CAND1: variants seen among roughly 807,000 people sequenced by gnomAD.
CAND1 encodes the protein cullin associated and neddylation dissociated 1, also known as cullin-associated NEDD8-dissociated protein 1.
A neutral mutation model predicts 108.5 loss-of-function variants in CAND1; 7 were observed. That is an observed-to-expected ratio of 0.06 (90% CI 0.04 to 0.12). CAND1 has a LOEUF of 0.12. CAND1 is among the 10% of genes least tolerant of loss of function. CAND1 has a pLI of 1.00. For missense variants in CAND1, 941 were observed against 1,448.7 expected, an observed-to-expected ratio of 0.65 and a Z score of 5.69; for synonymous variants, 534 against 512.0, an observed-to-expected ratio of 1.04 and a Z score of -0.58.
At chr12:67,290,545 T>C (rs2044713213) in intron 2 of CAND1, among the ~76,000 whole-genome samples, 1 of 152,124 alleles carries the variant, frequency 6.6e-6, no homozygotes, top group Non-Finnish European at 1.5e-5. Context: ...AATCTGACTG[T>C]TAATGTTCAG....
In CAND1 at chr12:67,305,553, G is replaced by A; in HGVS notation, c.1885G>A (p.Val629Ile). The part of the protein sequence containing the change: ...LKNEITRLTT[V>I]KALTLIAGSP... ...GAATGAAATTACCAGGTTAACTACA[G>A]TAAAGGCATTGACACTGATTGCTGG... Residue 629 changes from valine to isoleucine, a missense_variant, in exon 10 of 15, where the codon GTA becomes ATA. Val to Ile is a conservative substitution (Grantham distance 29, BLOSUM62 3). Transcript: ENST00000545606. The surrounding 1 kb of genome is among the most constrained non-coding windows in gnomAD (Gnocchi z 4.4). The A allele has an allele frequency of 6.2e-7, 1 of 1,614,116 alleles. No homozygotes were observed. The highest frequency in any genetic ancestry group is 2.2e-5 in the East Asian group (1 of 44,884).
chr12:67,296,646 G>A (rs1470305379), intron 4 of CAND1, among the ~76,000 whole-genome samples: 2 of 152,050 alleles, frequency 1.3e-5, no homozygotes, highest in African/African-American at 2.4e-5. Context: ...TGTTGGCCAG[G>A]GTGGTCTCGA....
chr12:67,302,780 T>G (rs1412704594), intron 8 of CAND1, among the ~76,000 whole-genome samples, 165 bp downstream of exon 8: 5 of 152,260 alleles, frequency 3.3e-5, no homozygotes, highest in Admixed American at 6.5e-5. Context: ...TTGTAAACTA[T>G]TCTAATTGAA....
At chr12:67,283,556 C>T (rs921259843) in intron 2 of CAND1, among the ~76,000 whole-genome samples, 1 of 148,262 alleles carries the variant, frequency 6.7e-6, no homozygotes, top group Non-Finnish European at 1.5e-5. Flanking sequence ...GCATGCCAGC[C>T]TGGACGACAG....
chr12:67,277,614 A>G (rs1471634010), intron 1 of CAND1, among the ~76,000 whole-genome samples: 2 of 152,206 alleles, frequency 1.3e-5, no homozygotes, highest in Non-Finnish European at 1.5e-5. Context: ...AGCTGGAGCT[A>G]GAAGGCAGAG....
intron 8 of CAND1, 100 bp downstream of exon 8, chr12:67,302,715 A>T (rs2044838019): frequency 9.8e-7 from 1 of 1,018,704 alleles, no homozygotes; most frequent in East Asian, 2.5e-5. Context: ...TCTATAGAGA[A>T]GCAGAAAGTT....
chr12:67,291,539 C>T (rs1208066959), intron 2 of CAND1, among the ~76,000 whole-genome samples: 1 of 151,992 alleles, frequency 6.6e-6, no homozygotes, highest in Non-Finnish European at 1.5e-5. Flanking sequence ...TTTGCATATA[C>T]AAAATGAGAT....
rs2136024383 is a variant in CAND1, at chr12:67,312,665, C to T, written c.3528C>T (p.Ala1176=). The change falls in exon 15 of 15, where the codon GCC becomes GCT. Residue 1176 remains alanine, a synonymous_variant. Transcript: ENST00000545606. ...FEKQDELKRS[A]MRAVAALLTI... is the part of the protein sequence containing the mutation. Reference sequence around the variant, plus strand: ...AACAAGATGAATTAAAGCGATCTGCCATGAGAGCAGTAGCAGCACTGCTAA... The same window carrying T: ...AACAAGATGAATTAAAGCGATCTGCTATGAGAGCAGTAGCAGCACTGCTAA... 3.1e-6 allele frequency: 5 copies of T among 1,613,424 alleles called. No individual in the cohort carries two copies. The highest frequency in any genetic ancestry group is 4.2e-6 in the Non-Finnish European group (5 of 1,179,712).
chr12:67,305,421 G>A lies in CAND1; in HGVS notation c.1753G>A (p.Val585Ile). ...RLKAADIDQEVKERAISCMGQ... is the reference protein window; with the variant it reads ...RLKAADIDQEIKERAISCMGQ... ...AAAAGCAGCTGACATTGATCAGGAA[G>A]TCAAGGAAAGGGCTATTTCCTGTAT... The change falls in exon 10 of 15, where the codon GTC becomes ATC. Residue 585 changes from valine (V) to isoleucine (I), a missense_variant. Physicochemically the swap from Val to Ile is conservative, Grantham distance 29 (BLOSUM62 3). Transcript: ENST00000545606. The surrounding 1 kb of genome is among the most constrained non-coding windows in gnomAD (Gnocchi z 4.4). 6.2e-7 allele frequency: 1 copy of A among 1,613,838 alleles called. No individual in the cohort carries two copies. The highest frequency in any genetic ancestry group is 8.5e-7 in the Non-Finnish European group (1 of 1,180,002).
At chr12:67,281,634 A>C (rs2044621026) in intron 1 of CAND1, among the ~76,000 whole-genome samples, 1 of 152,204 alleles carries the variant, frequency 6.6e-6, no homozygotes, top group Non-Finnish European at 1.5e-5. Context: ...ACCTGGGGAA[A>C]ATAATTTTGG....
Position 67,305,789 on chromosome 12 carries a change from T to C in CAND1, c.2121T>C (p.His707=), listed in dbSNP as rs1318169000. 6.2e-7 allele frequency: 1 copy of C among 1,614,084 alleles called. No individual in the cohort carries two copies. Among genetic ancestry groups the C allele is most frequent in the Non-Finnish European group, 8.5e-7 (1 of 1,180,014 alleles). Reference sequence around the variant, plus strand: ...CTCTTATCAGCGAAAGTGATATGCATGTTTCACAAATGGCCATCAGTTTTC... The same window carrying C: ...CTCTTATCAGCGAAAGTGATATGCACGTTTCACAAATGGCCATCAGTTTTC... ...LPPLISESDM[H]VSQMAISFLT... is the part of the protein sequence containing the mutation. The change falls in exon 10 of 15, where the codon CAT becomes CAC. Residue 707 remains histidine, a synonymous_variant. Transcript: ENST00000545606. This position sits in a 1 kb window ranked among gnomAD's most constrained non-coding sequence, Gnocchi z 4.4.
intron 2 of CAND1, chr12:67,282,276 G>A (rs1040131224): frequency 5.2e-6 from 2 of 382,400 alleles, no homozygotes; most frequent in African/African-American, 2.1e-5. Flanking sequence ...TAATTCTTAC[G>A]AAGTGCATGT....
Position 67,313,598 on chromosome 12 carries a change from C to T in CAND1, c.*768C>T, listed in dbSNP as rs1204664189. ...TTTGAGACTTGGGTTTTCTTAATGC[C>T]AGTGTGAATTTGCAGATGTTTTCAG... On this transcript the variant is annotated 3_prime_UTR_variant, in exon 15 of 15. Transcript: ENST00000545606. The T allele has an allele frequency of 6.6e-6, 1 of 152,400 alleles. No homozygotes were observed. Among genetic ancestry groups the T allele is most frequent in the Admixed American group, 6.6e-5 (1 of 15,242 alleles). The allele number at this position is 152,400 out of a possible 1,614,324, so 9.4% of individuals were successfully genotyped here.
In CAND1 at chr12:67,319,269, C is replaced by T. The variant is rs11176686; in HGVS notation, c.*6439C>T. ...TCTGGTTACTGCCTGCCCCACCAGCCTCAGCATCTCTCACAACTAGGACTA... is the reference window on the plus strand; with the variant it reads ...TCTGGTTACTGCCTGCCCCACCAGCTTCAGCATCTCTCACAACTAGGACTA... On this transcript the variant is annotated 3_prime_UTR_variant, in exon 15 of 15. Transcript: ENST00000545606. 28,821 of 152,204 alleles carry T rather than the reference C, an allele frequency of 0.19. 5,656 individuals carry two copies. The highest frequency in any genetic ancestry group is 0.5 in the African/African-American group (20,794 of 41,444). The allele number at this position is 152,204 out of a possible 1,614,324, so 9.4% of individuals were successfully genotyped here. A position where few individuals can be genotyped will look rare whatever the true frequency, so the allele number is the denominator to read the frequency against.
In CAND1 at chr12:67,313,459, A is replaced by T. The variant is rs549076028; in HGVS notation, c.*629A>T. 1.0e-3 allele frequency: 156 copies of T among 152,738 alleles called. 1 individual carries two copies. The highest frequency in any genetic ancestry group is 3.7e-3 in the African/African-American group (155 of 41,580). 9.5% of individuals were successfully genotyped at this position (152,738 alleles called of 1,614,324 possible). A position where few individuals can be genotyped will look rare whatever the true frequency, so the allele number is the denominator to read the frequency against. On this transcript the variant is annotated 3_prime_UTR_variant, in exon 15 of 15. Coordinates refer to ENST00000545606, the MANE Select transcript of CAND1 (RefSeq NM_018448.5). The stretch of plus-strand genomic sequence containing the variant: ...GTTTACAAATATGTATCGTCTGTAA[A>T]GCAGCATGTGCAGATTATTCATAAT...
At chr12:67,290,604 T>C (rs760253467) in intron 2 of CAND1, among the ~76,000 whole-genome samples, 88 of 152,346 alleles carry the variant, frequency 5.8e-4, no homozygotes, top group Admixed American at 1.0e-3. Flanking sequence ...TTTTTTAAAT[T>C]TGTTTTTAAT....
At position 67,297,797 on chromosome 12, in the gene CAND1, A is replaced by G; in HGVS notation, c.798A>G (p.Val266=). The change falls in exon 6 of 15, where the codon GTA becomes GTG. Residue 266 remains valine (V), a synonymous_variant. Transcript: ENST00000545606. The part of the protein sequence containing the change: ...IIPLVVKFCN[V]DDDELREYCI... ...CTTTGGTGGTAAAATTTTGCAATGT[A>G]GATGATGATGAATTAAGAGAGTACT... 1 of 1,609,858 alleles carries G rather than the reference A, an allele frequency of 6.2e-7. No homozygotes were observed. Among genetic ancestry groups the G allele is most frequent in the African/African-American group, 1.3e-5 (1 of 74,930 alleles).
intron 10 of CAND1, 114 bp downstream of exon 10, chr12:67,306,711 A>G: frequency 1.3e-6 from 1 of 753,944 alleles, no homozygotes; most frequent in Non-Finnish European, 2.1e-6. Context: ...CTAAAAGCTA[A>G]GTATGTGATG....
chr12:67,281,543 C>T lies in CAND1; in HGVS notation c.69-367C>T, dbSNP rs1415960344. Among the ~76,000 whole-genome samples the T allele has an allele frequency of 3.3e-5, 5 of 152,146 alleles. 1 individual carries two copies. The highest frequency in any genetic ancestry group is 1.2e-4 in the African/African-American group (5 of 41,422). On this transcript the variant is annotated intron_variant, in intron 1 of 14. Coordinates refer to ENST00000545606, the MANE Select transcript of CAND1 (RefSeq NM_018448.5). ...AGAAAAAGTAAAGAGGAACTTTTCT[C>T]ACCTAAAAGCAGTGATGCAATTAAT...
Sources: allele counts gnomAD v4.1 joint callset (sites outside exome capture counted in the v4.1 genomes callset), GRCh38; gene constraint gnomAD v4.1.1; non-coding constraint Gnocchi (gnomAD v3.1); transcripts MANE v1.5; gene names NCBI Gene and HGNC (gene_info 2026-07-23, HGNC 2026-07-21).